KIAA1217: variants seen among roughly 807,000 people sequenced by gnomAD.
KIAA1217 encodes the protein sickle tail protein homolog.
In KIAA1217, 88 loss-of-function variants were observed where a neutral mutation model predicts 163.9. The ratio of observed to expected loss-of-function variants is 0.54; its 90% CI spans 0.45 to 0.64. The LOEUF is 0.64. Ranked by LOEUF, KIAA1217 falls within the 30% of genes least tolerant of loss-of-function variation. The pLI, the probability that KIAA1217 is intolerant of heterozygous loss-of-function variation, is 0.00. For missense variants in KIAA1217, 2,372 were observed against 2,475.0 expected (o/e 0.96, Z 0.88); for synonymous variants, 903 against 923.1 (o/e 0.98, Z 0.39).
At chr10:24,397,997 C>CA (rs1190862252) in intron 3 of KIAA1217, among the ~76,000 whole-genome samples, 1 of 152,194 alleles carries the variant, frequency 6.6e-6, no homozygotes, top group Non-Finnish European at 1.5e-5. Flanking sequence ...ATACCTACCT[C>CA]ACAGAGTACA....
intron 2 of KIAA1217, among the ~76,000 whole-genome samples, chr10:24,152,556 G>A (rs2064669406): frequency 1.3e-5 from 2 of 152,170 alleles, no homozygotes; most frequent in Admixed American, 6.5e-5. Context: ...CTTTAAGTGT[G>A]ATGATGGTCT....
At chr10:23,974,416 C>T (rs1001133866) in intron 1 of KIAA1217, among the ~76,000 whole-genome samples, 4 of 152,108 alleles carry the variant, frequency 2.6e-5, no homozygotes, top group Non-Finnish European at 5.9e-5. Context: ...AATAGCTAGG[C>T]TCTCTGGACC....
intron 14 of KIAA1217, among the ~76,000 whole-genome samples, chr10:24,530,857 C>T (rs560800777): frequency 2.0e-5 from 3 of 152,114 alleles, no homozygotes; most frequent in Non-Finnish European, 4.4e-5. Flanking sequence ...GATGGCACCA[C>T]TGCACTTCAG....
At chr10:24,411,730 G>C (rs1320903515) in intron 3 of KIAA1217, among the ~76,000 whole-genome samples, 1 of 151,616 alleles carries the variant, frequency 6.6e-6, no homozygotes, top group Non-Finnish European at 1.5e-5. Context: ...CTGGCAGAGA[G>C]AAAGAAAACA....
rs367838513 is a variant in KIAA1217 at position 23,835,739 on chromosome 10, A to AT, written c.-321+140515dup. Among the ~76,000 whole-genome samples the AT allele has an allele frequency of 5.5e-3, 820 of 150,426 alleles. 8 individuals are homozygous for AT. Among genetic ancestry groups the AT allele is most frequent in the South Asian group, 0.054 (254 of 4,726 alleles). ...CACCTGGGTCACCATTAAGAATATG[A>AT]TTTTTTTTTTCTATCCCATTTCACA... On this transcript the variant is annotated intron_variant, in intron 1 of 18. Transcript: ENST00000376462.
chr10:24,284,504 A>G (rs2078328903), intron 2 of KIAA1217, among the ~76,000 whole-genome samples: 1 of 152,162 alleles, frequency 6.6e-6, no homozygotes, highest in Admixed American at 6.5e-5. Flanking sequence ...GTGCTAATTC[A>G]CTTAGGATAA....
At chr10:23,877,121 A>C (rs10764428) in intron 1 of KIAA1217, among the ~76,000 whole-genome samples, 50,217 of 151,776 alleles carry the variant, frequency 0.33, 11,780 homozygotes, top group African/African-American at 0.67. Flanking sequence ...GTGTCACTAG[A>C]TGCGTTTTCT....
chr10:24,480,259 C>T (rs60243854), intron 6 of KIAA1217, among the ~76,000 whole-genome samples: 1 of 152,162 alleles, frequency 6.6e-6, no homozygotes, highest in Non-Finnish European at 1.5e-5. Flanking sequence ...TGAAAGAATA[C>T]CCCATGTTCA....
chr10:23,781,311 A>C (rs1227785037), intron 1 of KIAA1217, among the ~76,000 whole-genome samples: 1 of 152,090 alleles, frequency 6.6e-6, no homozygotes, highest in East Asian at 1.9e-4. Flanking sequence ...CCATACTAAT[A>C]AGTGTGGGGT....
At chr10:24,481,320 C>T (rs557945456) in intron 6 of KIAA1217, 3 of 152,272 alleles carry the variant, frequency 2.0e-5, no homozygotes, top group African/African-American at 7.2e-5. Flanking sequence ...CTACTGAATA[C>T]CTGTTTTTGA....
intron 1 of KIAA1217, among the ~76,000 whole-genome samples, chr10:23,958,502 G>A (rs1305155247): frequency 1.3e-5 from 2 of 152,108 alleles, no homozygotes; most frequent in Non-Finnish European, 2.9e-5. Context: ...TGAAAGCAAG[G>A]AACAATTTAA....
In KIAA1217 at chr10:24,311,905, G is replaced by A. The variant is rs771265457; in HGVS notation, c.355-68964G>A. ...TTGTTCAGCAGAACTGAGAGGGCAAGAGTATAGCTGGCTTTTTTGTAAGAC... is the reference window on the plus strand; with the variant it reads ...TTGTTCAGCAGAACTGAGAGGGCAAAAGTATAGCTGGCTTTTTTGTAAGAC... On this transcript the variant is annotated intron_variant, in intron 2 of 20. Transcript: ENST00000376454. Among the ~76,000 whole-genome samples the A allele has an allele frequency of 1.6e-4, 24 of 152,110 alleles. No individual in the cohort carries two copies. The South Asian group carries it at 1.7e-3, about 11-fold the overall frequency.
intron 2 of KIAA1217, among the ~76,000 whole-genome samples, chr10:24,036,412 G>T (rs1023078890): frequency 6.6e-6 from 1 of 152,220 alleles, no homozygotes; most frequent in African/African-American, 2.4e-5. Context: ...TATCACTGAA[G>T]ATGGTTCAGG....
chr10:24,124,377 T>C (rs1184434244), intron 2 of KIAA1217, among the ~76,000 whole-genome samples: 1 of 152,122 alleles, frequency 6.6e-6, no homozygotes, highest in Non-Finnish European at 1.5e-5. Flanking sequence ...AATCATTATA[T>C]ATGCAAATAA....
intron 6 of KIAA1217, among the ~76,000 whole-genome samples, chr10:24,492,577 A>G (rs1225663355): frequency 6.6e-6 from 1 of 152,078 alleles, no homozygotes; most frequent in Non-Finnish European, 1.5e-5. Context: ...AGACTGCATG[A>G]CTTATATGCA....
At chr10:23,797,965 T>G (rs185447500) in intron 1 of KIAA1217, among the ~76,000 whole-genome samples, 31 of 152,296 alleles carry the variant, frequency 2.0e-4, no homozygotes, top group African/African-American at 7.5e-4. Context: ...TGTAAGATCT[T>G]TAGGGACTCT....
chr10:24,523,516 G>A (rs1259094788), intron 12 of KIAA1217, among the ~76,000 whole-genome samples: 1 of 152,026 alleles, frequency 6.6e-6, no homozygotes, highest in Non-Finnish European at 1.5e-5. Flanking sequence ...TAATAAAAAG[G>A]GGATGAGGGA....
At chr10:24,113,136 G>A (rs138613094) in intron 2 of KIAA1217, among the ~76,000 whole-genome samples, 63 of 152,216 alleles carry the variant, frequency 4.1e-4, no homozygotes, top group African/African-American at 1.5e-3. Context: ...TGTTACAGTA[G>A]CCAGGGATAA....
intron 3 of KIAA1217, among the ~76,000 whole-genome samples, chr10:24,407,863 G>C (rs1448435632): frequency 1.3e-5 from 2 of 152,082 alleles, no homozygotes; most frequent in East Asian, 3.9e-4. Context: ...ATATTGGTTT[G>C]TCGTGTTCTT....
Sources: allele counts gnomAD v4.1 joint callset (sites outside exome capture counted in the v4.1 genomes callset), GRCh38; gene constraint gnomAD v4.1.1; transcripts MANE v1.5; gene names NCBI Gene and HGNC (gene_info 2026-07-23, HGNC 2026-07-21).